Variants in DDX46 observed in about 807,000 individuals in gnomAD.
DDX46 encodes the protein DEAD-box helicase 46, also known as probable ATP-dependent RNA helicase DDX46.
A neutral mutation model predicts 134.9 loss-of-function variants in DDX46; 30 were observed. That is an observed-to-expected ratio of 0.22 (90% CI 0.17 to 0.30). The LOEUF (loss-of-function observed/expected upper bound fraction) is 0.30. Among genes scored for constraint, DDX46 ranks in the 10% least tolerant of loss-of-function variants. The pLI is 1.00. For synonymous variants in DDX46, 415 were observed against 404.1 expected (o/e 1.03, Z -0.32); for missense variants, 622 against 1,248.7 (o/e 0.50, Z 7.56).
At position 134,794,940 on chromosome 5, in the gene DDX46, A is replaced by C. The variant is rs767591921; in HGVS notation, c.1717A>C (p.Arg573=). ...FPRAMEALAR[R]ILSKPIEVQV... is the part of the protein sequence containing the mutation. ...CAGAGCTATGGAGGCTTTGGCTCGC[A>C]GGATCCTCAGTAAACCTATTGAAGT... The change falls in exon 14 of 23, where the codon AGG becomes CGG. Residue 573 remains arginine (R), a synonymous_variant. Coordinates refer to ENST00000452510, the MANE Select transcript of DDX46 (RefSeq NM_001300860.2). 8 of 1,614,068 alleles carry C rather than the reference A, an allele frequency of 5.0e-6. No individual in the cohort carries two copies. In the East Asian group the frequency reaches 1.8e-4, roughly 36 times the overall value.
intron 3 of DDX46, among the ~76,000 whole-genome samples, chr5:134,769,390 G>A (rs1580774432): frequency 8.5e-6 from 1 of 117,994 alleles, no homozygotes; most frequent in Non-Finnish European, 1.6e-5. Flanking sequence ...GAATGTAGTT[G>A]TGCAATATCA....
chr5:134,818,703 C>T (rs984627298), intron 20 of DDX46, among the ~76,000 whole-genome samples, 157 bp from the exon 21 acceptor site: 2 of 122,454 alleles, frequency 1.6e-5, no homozygotes, highest in African/African-American at 6.2e-5. Context: ...AACTCCGTCT[C>T]AAAAGAAAAA....
At position 134,766,770 on chromosome 5, in the gene DDX46, A is replaced by C; in HGVS notation, c.207-147A>C. The C allele has an allele frequency of 3.5e-6, 3 of 866,652 alleles. No individual in the cohort carries two copies. In the South Asian group the frequency reaches 7.4e-5, roughly 21 times the overall value. 53.7% of individuals were successfully genotyped at this position (866,652 alleles called of 1,614,324 possible). ...AGTATTCTCATTTTTTTCGTTGAGC[A>C]CTTATAAGACTTGGCTTTACTTCAT... On this transcript the variant is annotated intron_variant, in intron 2 of 22. Coordinates refer to ENST00000452510, the MANE Select transcript of DDX46 (RefSeq NM_001300860.2).
chr5:134,803,918 CTTTTTTTTTT>C (rs201944776), intron 15 of DDX46, among the ~76,000 whole-genome samples: 48 of 94,904 alleles, frequency 5.1e-4, no homozygotes, highest in Non-Finnish European at 6.9e-4. Context: ...GATGATTCTT[CTTTTTTTTTT>C]TTTTTTTTTT....
Position 134,795,025 on chromosome 5 carries a change from T to C in DDX46, c.1791+11T>C, listed in dbSNP as rs1222105587. On this transcript the variant is annotated intron_variant, in intron 14 of 22. Coordinates refer to ENST00000452510, the MANE Select transcript of DDX46 (RefSeq NM_001300860.2). Reference sequence around the variant, plus strand: ...GTGGAGCAACAAGTGGTGGGTACCATCTTTAGGAAATTCCCAGTTTCCTTG... The same window carrying C: ...GTGGAGCAACAAGTGGTGGGTACCACCTTTAGGAAATTCCCAGTTTCCTTG... The C allele has an allele frequency of 6.2e-7, 1 of 1,611,980 alleles. No homozygotes were observed. The highest frequency in any genetic ancestry group is 2.2e-5 in the East Asian group (1 of 44,838).
chr5:134,790,646 C>T, intron 13 of DDX46, 94 bp downstream of exon 13: 1 of 1,075,946 alleles, frequency 9.3e-7, no homozygotes, highest in Non-Finnish European at 1.4e-6. Flanking sequence ...GAAATTCACA[C>T]ACACACTTTT....
Position 134,811,696 on chromosome 5 carries a change from G to T in DDX46, c.2287G>T (p.Glu763Ter). The change falls in exon 18 of 23, where the codon GAG becomes TAG. Residue 763 changes from glutamate (E) to a stop codon, truncating the protein, a stop_gained and splice_region_variant. Transcript: ENST00000452510. LOFTEE classifies it high-confidence loss of function. ...WSDFKDQQKA[E>*]GKIIKKSSGF... ...TAACTTCGTTTTCTTTTTTTGAAAG[G>T]AGGGGAAAATAATTAAAAAGAGTAG... is the stretch of plus-strand genomic sequence containing the variant. 1 of 1,582,982 alleles carries T rather than the reference G, an allele frequency of 6.3e-7. No individual in the cohort carries two copies. Among genetic ancestry groups the T allele is most frequent in the Non-Finnish European group, 8.5e-7 (1 of 1,170,880 alleles).
intron 13 of DDX46, among the ~76,000 whole-genome samples, chr5:134,792,088 G>A (rs396994): frequency 0.4 from 60,509 of 151,904 alleles, 13,950 homozygotes; most frequent in East Asian, 0.71. Context: ...GAGTCAGGAG[G>A]ATCACTTGAA....
intron 15 of DDX46, among the ~76,000 whole-genome samples, chr5:134,798,047 G>A (rs570868669): frequency 1.3e-5 from 2 of 152,234 alleles, no homozygotes; most frequent in East Asian, 3.9e-4. Flanking sequence ...GCCGACCTCA[G>A]GTGATCCGCC....
Position 134,795,988 on chromosome 5 carries a change from A to G in DDX46, c.1792A>G (p.Ile598Val). ...ACTTGATACAATATGGTGTTTTCAG[A>G]TTGTGATTGAAGAAGAAAAGAAATT... ...VVCSDVEQQV[I>V]VIEEEKKFLK... is the part of the protein sequence containing the mutation. The change falls in exon 15 of 23, where the codon ATT becomes GTT. Residue 598 changes from isoleucine (I) to valine (V), a missense_variant and splice_region_variant. Physicochemically the swap from Ile to Val is conservative, Grantham distance 29. Around this residue, in one of 8 missense-constraint regions of DDX46, gnomAD observed 209 missense variants for 508.4 expected, o/e 0.41. Transcript: ENST00000452510. The G allele has an allele frequency of 2.5e-6, 4 of 1,612,642 alleles. No individual in the cohort carries two copies. Among genetic ancestry groups the G allele is most frequent in the Non-Finnish European group, 3.4e-6 (4 of 1,179,596 alleles).
At chr5:134,822,611 C>CT (rs899164682) in intron 21 of DDX46, among the ~76,000 whole-genome samples, 1 of 152,024 alleles carries the variant, frequency 6.6e-6, no homozygotes, top group African/African-American at 2.4e-5. Context: ...ACCTACTCAT[C>CT]TTTTTTTGAG....
chr5:134,811,225 A>T lies in DDX46; in HGVS notation c.2153A>T (p.Tyr718Phe). The change falls in exon 17 of 23, where the codon TAT (tyrosine) becomes TTT (phenylalanine). Residue 718 changes from tyrosine to phenylalanine, a missense_variant. By Grantham distance (22) the Tyr-to-Phe change is conservative. This residue lies in a region of DDX46 where 209 missense variants were observed against 508.4 expected (regional missense o/e 0.41). Transcript: ENST00000452510. ...TACTTTTTCATCATGCATTAGGGTT[A>T]TGCTTATACTTTTATCACAGAGGAT... ...GRTGRAGNKG[Y>F]AYTFITEDQA... 1.2e-6 allele frequency: 2 copies of T among 1,613,862 alleles called. 1 individual carries two copies. Among genetic ancestry groups the T allele is most frequent in the Middle Eastern group, 3.3e-4 (2 of 6,058 alleles).
chr5:134,768,140 C>A (rs1171309503), intron 3 of DDX46, among the ~76,000 whole-genome samples: 1 of 149,954 alleles, frequency 6.7e-6, no homozygotes, highest in Non-Finnish European at 1.5e-5. Flanking sequence ...GCCAAAGTCT[C>A]GTTCTGTTGC....
intron 19 of DDX46, chr5:134,817,216 A>C (rs764671315): frequency 3.1e-5 from 11 of 358,938 alleles, no homozygotes; most frequent in Non-Finnish European, 4.5e-5. Context: ...TGTGTCTGAC[A>C]TCAAGAGTTA....
intron 1 of DDX46, 50 bp from the exon 2 acceptor site, chr5:134,763,854 A>G (rs372669318): frequency 1.4e-5 from 21 of 1,504,146 alleles, no homozygotes; most frequent in Admixed American, 2.2e-5. Flanking sequence ...ATAAAATGTA[A>G]TAGAAGCTAA....
At chr5:134,786,478 T>C (rs1019169651) in intron 11 of DDX46, among the ~76,000 whole-genome samples, 7 of 152,158 alleles carry the variant, frequency 4.6e-5, no homozygotes, top group African/African-American at 1.7e-4. Flanking sequence ...GTTAATACGT[T>C]CTAGAGTTTG....
intron 21 of DDX46, 91 bp from the exon 22 acceptor site, chr5:134,826,856 C>A (rs1755604911): frequency 7.8e-7 from 1 of 1,289,760 alleles, no homozygotes. Context: ...CTGAAAGTCA[C>A]CTACAGTGTT....
intron 14 of DDX46, among the ~76,000 whole-genome samples, chr5:134,795,515 G>A (rs1754630266): frequency 6.6e-6 from 1 of 152,072 alleles, no homozygotes; most frequent in Non-Finnish European, 1.5e-5. Context: ...ATAAAACGTT[G>A]TTTTAGTTTC....
chr5:134,763,933 G>T lies in DDX46; in HGVS notation c.47G>T (p.Gly16Val), dbSNP rs755212144. The change falls in exon 2 of 23, where the codon GGT becomes GTT. Residue 16 changes from glycine to valine, a missense_variant. Physicochemically the swap from Gly to Val is moderately radical, Grantham distance 109. Around this residue, in one of 8 missense-constraint regions of DDX46, gnomAD observed 244 missense variants for 349.3 expected, o/e 0.70. Transcript: ENST00000452510. ...RHYRKRSASR[G>V]RSGSRSRSRS... is the part of the protein sequence containing the mutation. Reference sequence around the variant, plus strand: ...TATCGAAAACGATCGGCATCCCGGGGTCGCTCTGGAAGTCGGTCTAGAAGT... The same window carrying T: ...TATCGAAAACGATCGGCATCCCGGGTTCGCTCTGGAAGTCGGTCTAGAAGT... 27 of 1,614,048 alleles carry T rather than the reference G, an allele frequency of 1.7e-5. No individual in the cohort carries two copies. The highest frequency in any genetic ancestry group is 2.2e-5 in the Non-Finnish European group (26 of 1,180,028).
Sources: allele counts gnomAD v4.1 joint callset (sites outside exome capture counted in the v4.1 genomes callset), GRCh38; gene constraint gnomAD v4.1.1; regional missense constraint gnomAD v4.1.1; transcripts MANE v1.5; gene names NCBI Gene and HGNC (gene_info 2026-07-23, HGNC 2026-07-21).